The following NAALADL2 variants were observed in gnomAD, a reference collection of about 807,000 sequenced individuals.
NAALADL2 encodes the protein inactive N-acetylated-alpha-linked acidic dipeptidase-like protein 2.
A neutral mutation model predicts 87.2 loss-of-function variants in NAALADL2; 76 were observed. The ratio of observed to expected loss-of-function variants is 0.87; its 90% CI spans 0.72 to 1.05. NAALADL2 has a LOEUF of 1.05. Ranked by LOEUF, NAALADL2 falls within the 50% of genes least tolerant of loss-of-function variation. The pLI is 0.00. For synonymous variants in NAALADL2, 354 were observed against 331.0 expected (o/e 1.07, Z -0.75); for missense variants, 1,089 against 945.8 (o/e 1.15, Z -1.99).
chr3:174,718,756 CTCT>C (rs1560169890), intron 2 of NAALADL2, among the ~76,000 whole-genome samples: 1 of 152,182 alleles, frequency 6.6e-6, no homozygotes, highest in Non-Finnish European at 1.5e-5. Flanking sequence ...AATAGCAATT[CTCT>C]TACAGTCACA....
chr3:175,325,152 G>T (rs905969566), intron 5 of NAALADL2, among the ~76,000 whole-genome samples: 52 of 91,472 alleles, frequency 5.7e-4, no homozygotes, highest in Non-Finnish European at 1.3e-4. Context: ...AATTTTTTTT[G>T]TTTTTTTTTC....
At chr3:175,423,091 T>C (rs1157624621) in intron 5 of NAALADL2, among the ~76,000 whole-genome samples, 1 of 146,108 alleles carries the variant, frequency 6.8e-6, no homozygotes, top group African/African-American at 2.5e-5. Context: ...GAAAGAGGTT[T>C]ATTTAGCTTT....
rs193147310 is a variant in NAALADL2, at chr3:175,116,977, T to C, written c.545+19686T>C. Among the ~76,000 whole-genome samples, 1,039 of 152,210 alleles carry C rather than the reference T, an allele frequency of 6.8e-3. 9 individuals carry two copies. Among genetic ancestry groups the C allele is most frequent in the African/African-American group, 0.022 (903 of 41,522 alleles). On this transcript the variant is annotated intron_variant, in intron 2 of 13. Coordinates refer to ENST00000454872, the MANE Select transcript of NAALADL2 (RefSeq NM_207015.3). ...ACACCACACATCTACAACCATCTGA[T>C]ATTTGACAAACCTGACAAAAACAAG...
chr3:174,567,085 CAT>C (rs1714376989), intron 2 of NAALADL2, among the ~76,000 whole-genome samples: 1 of 151,514 alleles, frequency 6.6e-6, no homozygotes, highest in Admixed American at 6.6e-5. Flanking sequence ...GCAAGAGAGA[CAT>C]AGCAGAAATA....
intron 4 of NAALADL2, 88 bp downstream of exon 4, chr3:175,256,618 T>C: frequency 7.6e-7 from 1 of 1,313,646 alleles, no homozygotes; most frequent in Non-Finnish European, 1.1e-6. Flanking sequence ...GTGGAGTGTG[T>C]GTGTGCATAT....
chr3:175,718,431 G>A, intron 11 of NAALADL2: 1 of 1,586,480 alleles, frequency 6.3e-7, no homozygotes, highest in Non-Finnish European at 8.6e-7. Context: ...CTTAAAAAGG[G>A]GGGTGCTTCT....
At chr3:174,707,046 G>A (rs1187231375) in intron 2 of NAALADL2, among the ~76,000 whole-genome samples, 3 of 152,122 alleles carry the variant, frequency 2.0e-5, no homozygotes, top group Non-Finnish European at 2.9e-5. Context: ...ATGAAAAAAT[G>A]CTCATCATCA....
At chr3:175,416,834 A>G (rs16825684) in intron 5 of NAALADL2, among the ~76,000 whole-genome samples, 14,288 of 152,048 alleles carry the variant, frequency 0.094, 733 homozygotes, top group Middle Eastern at 0.16. Context: ...GAAAACTGCA[A>G]TTCTATGATA....
intron 1 of NAALADL2, among the ~76,000 whole-genome samples, chr3:174,917,903 A>C (rs562308243): frequency 6.6e-6 from 1 of 152,102 alleles, no homozygotes; most frequent in East Asian, 1.9e-4. Flanking sequence ...CTTGACTGAT[A>C]ATTTACTTTG....
intron 3 of NAALADL2, among the ~76,000 whole-genome samples, chr3:174,803,509 G>A (rs555467536): frequency 5.3e-5 from 8 of 151,410 alleles, no homozygotes; most frequent in Admixed American, 5.3e-4. Context: ...TGTGGCTTTT[G>A]TTGCTTTTGG....
chr3:175,214,224 A>G (rs1303716333), intron 2 of NAALADL2, among the ~76,000 whole-genome samples: 1 of 152,154 alleles, frequency 6.6e-6, no homozygotes, highest in Non-Finnish European at 1.5e-5. Context: ...ATGGTATTCA[A>G]CTTATAGTTT....
At chr3:175,644,659 T>C (rs1165434204) in intron 11 of NAALADL2, among the ~76,000 whole-genome samples, 1 of 148,754 alleles carries the variant, frequency 6.7e-6, no homozygotes, top group East Asian at 1.9e-4. Flanking sequence ...AGTAAGACAT[T>C]TTATCTGATA....
chr3:174,513,757 CTTA>C (rs1449449132), intron 1 of NAALADL2, among the ~76,000 whole-genome samples: 1 of 152,114 alleles, frequency 6.6e-6, no homozygotes, highest in Non-Finnish European at 1.5e-5. Flanking sequence ...AAAATTACAC[CTTA>C]TTATAAATAT....
intron 2 of NAALADL2, among the ~76,000 whole-genome samples, chr3:174,724,208 A>T (rs999425259): frequency 1.3e-5 from 2 of 152,180 alleles, no homozygotes; most frequent in Non-Finnish European, 1.5e-5. Flanking sequence ...TTCAATTAAG[A>T]GTTACTAATT....
At chr3:174,529,539 G>A (rs892887986) in intron 1 of NAALADL2, among the ~76,000 whole-genome samples, 2 of 152,184 alleles carry the variant, frequency 1.3e-5, no homozygotes, top group Non-Finnish European at 2.9e-5. Flanking sequence ...CTGACCGCAC[G>A]TTTCCCTTTA....
chr3:174,583,265 T>C (rs920895955), intron 2 of NAALADL2, among the ~76,000 whole-genome samples: 2 of 152,206 alleles, frequency 1.3e-5, no homozygotes, highest in African/African-American at 4.8e-5. Flanking sequence ...AACATGCTGC[T>C]CCCTGAATAA....
intron 2 of NAALADL2, among the ~76,000 whole-genome samples, chr3:175,222,710 T>C (rs555998265): frequency 7.4e-4 from 113 of 152,286 alleles, no homozygotes; most frequent in Non-Finnish European, 7.9e-4. Flanking sequence ...TTGAAAGTTA[T>C]ATATGTCCAT....
chr3:175,280,790 A>T (rs1425892775), intron 4 of NAALADL2, among the ~76,000 whole-genome samples: 2 of 152,014 alleles, frequency 1.3e-5, no homozygotes, highest in African/African-American at 4.8e-5. Flanking sequence ...CAATGAATAG[A>T]TGTCTGTTCC....
At chr3:174,814,434 A>G (rs1431499397) in intron 3 of NAALADL2, among the ~76,000 whole-genome samples, 1 of 152,136 alleles carries the variant, frequency 6.6e-6, no homozygotes, top group Non-Finnish European at 1.5e-5. Context: ...TAAGACTGGG[A>G]AGAATTTAAA....
Sources: allele counts gnomAD v4.1 joint callset (sites outside exome capture counted in the v4.1 genomes callset), GRCh38; gene constraint gnomAD v4.1.1; transcripts MANE v1.5; gene names NCBI Gene and HGNC (gene_info 2026-07-23, HGNC 2026-07-21).